Variants in EYS observed in about 807,000 individuals in gnomAD.
EYS encodes the protein EGF-like photoreceptor maintenance factor, also known as protein eyes shut homolog.
A neutral mutation model predicts 282.1 loss-of-function variants in EYS; 250 were observed. That is an observed-to-expected ratio of 0.89 (90% confidence interval 0.80 to 0.98). The LOEUF (loss-of-function observed/expected upper bound fraction) is 0.98, where lower values mean the gene tolerates loss of function less well. Ranked by LOEUF, EYS falls within the 50% of genes least tolerant of loss-of-function variation. The pLI is 0.00. For missense variants in EYS, 4,016 were observed against 3,709.0 expected (o/e 1.08, Z -2.15); for synonymous variants, 1,355 against 1,282.9 (o/e 1.06, Z -1.20).
At chr6:65,269,130 C>T (rs1562061763) in intron 12 of EYS, among the ~76,000 whole-genome samples, 1 of 152,080 alleles carries the variant, frequency 6.6e-6, no homozygotes, top group Non-Finnish European at 1.5e-5. Context: ...AAATGACAAC[C>T]AAATCCTGCT....
In EYS at chr6:65,170,223, T is replaced by G. The variant is rs561161950; in HGVS notation, c.2024-112496A>C. On this transcript the variant is annotated intron_variant, in intron 12 of 42. Transcript: ENST00000503581. ...AAATACAGATGCACACACGCGCGCGTGCACGCACACACACACACACACAGA... is the reference window on the plus strand; with the variant it reads ...AAATACAGATGCACACACGCGCGCGGGCACGCACACACACACACACACAGA... 1.2e-4 allele frequency among the ~76,000 whole-genome samples: 18 copies of G among 150,048 alleles called. 1 individual carries two copies. Among genetic ancestry groups the G allele is most frequent in the Admixed American group, 1.1e-3 (16 of 14,976 alleles).
At chr6:65,386,610 AAAC>A (rs1339589510) in intron 7 of EYS, among the ~76,000 whole-genome samples, 1 of 151,926 alleles carries the variant, frequency 6.6e-6, no homozygotes, top group Non-Finnish European at 1.5e-5. Context: ...AAAACAGAGA[AAAC>A]AAAAGCAAAG....
intron 12 of EYS, among the ~76,000 whole-genome samples, chr6:65,155,246 T>C (rs978472539): frequency 1.3e-5 from 2 of 151,464 alleles, no homozygotes. Flanking sequence ...AGCCTTAACA[T>C]AACTCTTTCA....
chr6:65,642,453 A>G (rs1767307401), intron 1 of EYS, among the ~76,000 whole-genome samples: 2 of 152,126 alleles, frequency 1.3e-5, no homozygotes, highest in African/African-American at 2.4e-5. Context: ...GTCACATTCA[A>G]CAATTTGAAT....
chr6:65,183,672 C>G (rs1455786566), intron 12 of EYS, among the ~76,000 whole-genome samples: 1 of 151,518 alleles, frequency 6.6e-6, no homozygotes, highest in Admixed American at 6.6e-5. Flanking sequence ...TATAAGTGTA[C>G]TGATTTTATT....
chr6:64,428,144 G>T (rs1774466804), intron 28 of EYS, among the ~76,000 whole-genome samples: 1 of 152,026 alleles, frequency 6.6e-6, no homozygotes, highest in African/African-American at 2.4e-5. Context: ...CTTCAATATT[G>T]CAAGTTTCTC....
At chr6:64,478,838 T>C (rs1373395256) in intron 26 of EYS, among the ~76,000 whole-genome samples, 1 of 151,426 alleles carries the variant, frequency 6.6e-6, no homozygotes, top group African/African-American at 2.4e-5. Context: ...AATTTTCTTA[T>C]GAATTTATAA....
intron 35 of EYS, among the ~76,000 whole-genome samples, chr6:63,939,203 A>G (rs1003493908): frequency 5.3e-5 from 8 of 151,958 alleles, no homozygotes; most frequent in African/African-American, 1.7e-4. Flanking sequence ...AAGCCTTTTC[A>G]AGCTCAGTAT....
intron 18 of EYS, among the ~76,000 whole-genome samples, 168 bp downstream of exon 18, chr6:64,901,945 G>T (rs991228024): frequency 6.6e-6 from 1 of 152,164 alleles, no homozygotes; most frequent in Non-Finnish European, 1.5e-5. Flanking sequence ...AAAAATTTGA[G>T]ATTTTTGACA....
At chr6:64,032,135 A>G (rs1339063604) in intron 33 of EYS, among the ~76,000 whole-genome samples, 3 of 152,058 alleles carry the variant, frequency 2.0e-5, no homozygotes, top group Admixed American at 6.6e-5. Context: ...TGTAACACTC[A>G]CTGCAAAGGT....
intron 29 of EYS, among the ~76,000 whole-genome samples, chr6:64,373,385 A>G (rs368368504): frequency 1.9e-4 from 29 of 152,202 alleles, no homozygotes; most frequent in African/African-American, 7.0e-4. Flanking sequence ...CTGGCCCACA[A>G]GGATCCTTCA....
chr6:65,232,069 C>A (rs1766797068), intron 12 of EYS, among the ~76,000 whole-genome samples: 2 of 151,872 alleles, frequency 1.3e-5, no homozygotes, highest in Non-Finnish European at 2.9e-5. Flanking sequence ...AGTAAAAAAG[C>A]AGGTCTGTAG....
In EYS at chr6:65,344,062, C is replaced by G. The variant is rs1019315150; in HGVS notation, c.1575G>C (p.Trp525Cys). 6 of 1,610,524 alleles carry G rather than the reference C, an allele frequency of 3.7e-6. No homozygotes were observed. The highest frequency in any genetic ancestry group is 5.1e-6 in the Non-Finnish European group (6 of 1,177,998). The change falls in exon 10 of 43, where the codon TGG becomes TGC. Residue 525 changes from tryptophan to cysteine, a missense_variant. Physicochemically the swap from Trp to Cys is radical, Grantham distance 215. Coordinates refer to ENST00000503581, the MANE Select transcript of EYS (RefSeq NM_001142800.2). ...NDPEDNNSSC[W>C]FPHEGTKEIC... ...CCTCTTTTGTGCCTTCATGTGGGAACCAACATGAAGAATTATTATCTTCAG... is the reference window on the plus strand; with the variant it reads ...CCTCTTTTGTGCCTTCATGTGGGAAGCAACATGAAGAATTATTATCTTCAG...
intron 1 of EYS, among the ~76,000 whole-genome samples, chr6:65,683,910 T>C (rs1289139461): frequency 5.3e-5 from 8 of 152,174 alleles, no homozygotes; most frequent in South Asian, 4.1e-4. Context: ...AAATGGACTA[T>C]ACTGTGTTTT....
intron 35 of EYS, among the ~76,000 whole-genome samples, chr6:63,956,469 T>C (rs566780551): frequency 4.4e-4 from 67 of 152,314 alleles, no homozygotes; most frequent in African/African-American, 1.5e-3. Flanking sequence ...TTAAAAAGCT[T>C]TATCGCTCAC....
chr6:64,966,890 A>T (rs1287402981), intron 14 of EYS, among the ~76,000 whole-genome samples: 1 of 152,176 alleles, frequency 6.6e-6, no homozygotes, highest in Non-Finnish European at 1.5e-5. Context: ...TTGGAACCTC[A>T]TCTCTTTAGT....
intron 35 of EYS, among the ~76,000 whole-genome samples, chr6:63,982,841 T>G (rs145205550): frequency 1.4e-4 from 21 of 151,926 alleles, no homozygotes; most frequent in African/African-American, 4.8e-4. Flanking sequence ...TTCTGTAATT[T>G]CATCAGTAAT....
At chr6:64,750,869 A>C (rs1772723269) in intron 22 of EYS, among the ~76,000 whole-genome samples, 2 of 152,198 alleles carry the variant, frequency 1.3e-5, no homozygotes. Context: ...GAAAAGTAGG[A>C]GCCCCAGTAC....
In EYS at chr6:65,254,133, T is replaced by A. The variant is rs184387765; in HGVS notation, c.2023+41730A>T. On this transcript the variant is annotated intron_variant, in intron 12 of 42. Transcript: ENST00000503581. ...CATTTATTTTGATACACAGATTTAC[T>A]TTTATCTCTTAGAACTTTTTCAAAT... Among the ~76,000 whole-genome samples the A allele has an allele frequency of 5.9e-5, 9 of 151,950 alleles. No homozygotes were observed. In the East Asian group the frequency reaches 1.4e-3, roughly 23 times the overall value.
Sources: gnomAD v4.1 joint callset for allele counts (sites outside exome capture counted in the v4.1 genomes callset) on GRCh38, gnomAD v4.1.1 for gene constraint, MANE v1.5 for transcripts, NCBI Gene and HGNC (gene_info 2026-07-23, HGNC 2026-07-21) for gene names.